Variants in PCDH15 observed in about 807,000 individuals in gnomAD.
PCDH15 encodes the protein protocadherin related 15, also known as protocadherin-15.
PCDH15 carries 129 observed loss-of-function variants against 178.5 expected under a neutral mutation model. That is an observed-to-expected ratio of 0.72 (90% confidence interval 0.63 to 0.84). The LOEUF is 0.84. PCDH15 is among the 40% of genes least tolerant of loss of function. PCDH15 has a pLI of 0.00. For missense variants in PCDH15, 2,230 were observed against 2,099.9 expected (o/e 1.06, Z -1.21); for synonymous variants, 800 against 732.0 (o/e 1.09, Z -1.50).
At chr10:54,233,300 T>C (rs993412542) in intron 9 of PCDH15, among the ~76,000 whole-genome samples, 3 of 152,206 alleles carry the variant, frequency 2.0e-5, no homozygotes, top group African/African-American at 2.4e-5. Flanking sequence ...TTGTGACAAA[T>C]ATTACATTAT....
At chr10:53,957,065 G>C (rs911364865) in intron 23 of PCDH15, among the ~76,000 whole-genome samples, 1 of 152,148 alleles carries the variant, frequency 6.6e-6, no homozygotes, top group African/African-American at 2.4e-5. Context: ...AAGTCTAGAG[G>C]CATATTTCTA....
At chr10:55,427,073 A>C (rs2132052475) in intron 2 of PCDH15, among the ~76,000 whole-genome samples, 1 of 151,780 alleles carries the variant, frequency 6.6e-6, no homozygotes, top group Non-Finnish European at 1.5e-5. Flanking sequence ...ACAGCTTCAT[A>C]TTTTTCGGAT....
At chr10:55,068,875 G>A (rs900004234) in intron 2 of PCDH15, among the ~76,000 whole-genome samples, 1 of 151,340 alleles carries the variant, frequency 6.6e-6, no homozygotes, top group African/African-American at 2.4e-5. Context: ...ATTGTAAATG[G>A]AATTGCCTTC....
intron 11 of PCDH15, among the ~76,000 whole-genome samples, chr10:54,192,120 G>T (rs7478307): frequency 3.0e-4 from 32 of 106,470 alleles, no homozygotes; most frequent in South Asian, 2.6e-3. Flanking sequence ...AAAAAAAAAA[G>T]AAAGAAAGAA....
chr10:54,899,192 A>G (rs754561716), intron 2 of PCDH15, among the ~76,000 whole-genome samples: 1 of 152,204 alleles, frequency 6.6e-6, no homozygotes, highest in African/African-American at 2.4e-5. Context: ...TATAAAGTGG[A>G]TCTAAGTTAT....
chr10:54,423,685 C>T (rs747599299), intron 3 of PCDH15, among the ~76,000 whole-genome samples: 6 of 151,808 alleles, frequency 4.0e-5, no homozygotes, highest in African/African-American at 9.7e-5. Context: ...CATCTACAAA[C>T]CTTTGTTCTC....
chr10:54,722,043 G>T (rs1591281571), intron 1 of PCDH15, among the ~76,000 whole-genome samples: 1 of 151,814 alleles, frequency 6.6e-6, no homozygotes, highest in South Asian at 2.1e-4. Context: ...TTATCCAAAT[G>T]ATGTAAGGAT....
At chr10:54,624,105 C>G (rs1000402950) in intron 2 of PCDH15, among the ~76,000 whole-genome samples, 4 of 152,104 alleles carry the variant, frequency 2.6e-5, no homozygotes, top group African/African-American at 9.7e-5. Flanking sequence ...AACTTTTGCT[C>G]ATGCGGAAAT....
chr10:55,025,817 C>G (rs1015986400), intron 2 of PCDH15, among the ~76,000 whole-genome samples: 5 of 151,856 alleles, frequency 3.3e-5, no homozygotes, highest in African/African-American at 4.8e-5. Context: ...ATATTAAATG[C>G]TTTCTACAAC....
At chr10:54,663,709 G>A (rs1402838046) in intron 2 of PCDH15, among the ~76,000 whole-genome samples, 1 of 149,680 alleles carries the variant, frequency 6.7e-6, no homozygotes, top group African/African-American at 2.5e-5. Context: ...AAAAAATAGT[G>A]GGGGATAAAA....
chr10:53,852,534 G>T lies in PCDH15; in HGVS notation c.3806+4641C>A, dbSNP rs560113299. Among the ~76,000 whole-genome samples the T allele has an allele frequency of 3.3e-5, 5 of 152,196 alleles. No homozygotes were observed. The South Asian group carries it at 1.0e-3, about 32-fold the overall frequency. On this transcript the variant is annotated intron_variant, in intron 28 of 37. Coordinates refer to ENST00000644397, the MANE Select transcript of PCDH15 (RefSeq NM_001384140.1). The stretch of plus-strand genomic sequence containing the variant: ...TAGTCATTTCAGCTGATTCAGTGAG[G>T]TGAGGAGTAATCATTACAGCAGCTA...
At chr10:54,567,494 T>TA (rs1164112224) in intron 2 of PCDH15, among the ~76,000 whole-genome samples, 1 of 152,168 alleles carries the variant, frequency 6.6e-6, no homozygotes, top group East Asian at 1.9e-4. Context: ...TCACATTTTT[T>TA]ATCAATGCTT....
chr10:54,995,148 G>A (rs1175433038), intron 2 of PCDH15, among the ~76,000 whole-genome samples: 2 of 151,884 alleles, frequency 1.3e-5, no homozygotes, highest in Non-Finnish European at 2.9e-5. Context: ...AGGCCGAGGC[G>A]GGCGGATCAC....
intron 2 of PCDH15, among the ~76,000 whole-genome samples, chr10:55,071,136 G>A (rs1166428471): frequency 1.3e-5 from 2 of 152,144 alleles, no homozygotes; most frequent in Admixed American, 1.3e-4. Context: ...ACCAGCCACT[G>A]CAAAATCATG....
chr10:54,764,423 G>C (rs762754345), intron 1 of PCDH15, among the ~76,000 whole-genome samples: 8 of 151,984 alleles, frequency 5.3e-5, no homozygotes, highest in Non-Finnish European at 5.9e-5. Flanking sequence ...ATTGTGTTTA[G>C]GGTAGAAAAT....
At chr10:54,873,919 A>G (rs1369385722) in intron 3 of PCDH15, among the ~76,000 whole-genome samples, 1 of 150,562 alleles carries the variant, frequency 6.6e-6, no homozygotes, top group Non-Finnish European at 1.5e-5. Flanking sequence ...GTAATGAATA[A>G]ATTAAAATAC....
intron 2 of PCDH15, among the ~76,000 whole-genome samples, chr10:55,610,345 G>A (rs1331768122): frequency 1.3e-5 from 2 of 152,072 alleles, no homozygotes; most frequent in Non-Finnish European, 2.9e-5. Flanking sequence ...CTGTGATACA[G>A]GTTATATACT....
At chr10:54,247,263 A>G (rs11004177) in intron 8 of PCDH15, among the ~76,000 whole-genome samples, 7,660 of 151,932 alleles carry the variant, frequency 0.05, 483 homozygotes, top group African/African-American at 0.15. Context: ...AAAATATTGC[A>G]CTCATCCACA....
intron 2 of PCDH15, among the ~76,000 whole-genome samples, chr10:54,958,193 ATC>A (rs1838542270): frequency 6.6e-6 from 1 of 151,802 alleles, no homozygotes; most frequent in African/African-American, 2.4e-5. Context: ...TTTCTTTGGT[ATC>A]TTCCATGTAT....
Sources: gnomAD v4.1 joint callset for allele counts (sites outside exome capture counted in the v4.1 genomes callset) on GRCh38, gnomAD v4.1.1 for gene constraint, MANE v1.5 for transcripts, NCBI Gene and HGNC (gene_info 2026-07-23, HGNC 2026-07-21) for gene names.